Variants in ANKRD55 observed in about 807,000 individuals in gnomAD.
ANKRD55 encodes ankyrin repeat domain-containing protein 55.
A neutral mutation model predicts 60.6 loss-of-function variants in ANKRD55; 41 were observed. The observed-to-expected ratio is 0.68, with a 90% CI of 0.53 to 0.88. The LOEUF is 0.88. Ranked by LOEUF, ANKRD55 falls within the 40% of genes least tolerant of loss-of-function variation. The pLI is 0.00. For missense variants in ANKRD55, 732 were observed against 767.6 expected (o/e 0.95, Z 0.55); for synonymous variants, 264 against 290.3 (o/e 0.91, Z 0.92).
In ANKRD55 at chr5:56,111,382, G is replaced by A. The variant is rs753328918; in HGVS notation, c.1366C>T (p.His456Tyr). 6 of 1,614,060 alleles carry A rather than the reference G, an allele frequency of 3.7e-6. No homozygotes were observed. Among genetic ancestry groups the A allele is most frequent in the Non-Finnish European group, 5.1e-6 (6 of 1,180,054 alleles). ...TGAGGAGCAGAGCTCAGGCCTGCAT[G>A]GGAAGTGGCCCTATGGGAGGCTGTT... ...FLTASHRATS[H>Y]AGLSSAPHHM... Residue 456 changes from histidine to tyrosine, a missense_variant, in exon 10 of 12, where the codon CAT (histidine) becomes TAT (tyrosine). Transcript: ENST00000341048.
At position 56,183,518 on chromosome 5, in the gene ANKRD55, T is replaced by C; in HGVS notation, c.175A>G (p.Ser59Gly). 2 of 1,614,136 alleles carry C rather than the reference T, an allele frequency of 1.2e-6. No individual in the cohort carries two copies. The highest frequency in any genetic ancestry group is 1.7e-6 in the Non-Finnish European group (2 of 1,180,004). Residue 59 changes from serine (S) to glycine (G), a missense_variant, in exon 3 of 12, where the codon AGT becomes GGT. By Grantham distance (56) the Ser-to-Gly change is moderately conservative (BLOSUM62 0). This residue lies in a region of ANKRD55 where 131 missense variants were observed against 142.7 expected (regional missense o/e 0.92). Coordinates refer to ENST00000341048, the MANE Select transcript of ANKRD55 (RefSeq NM_024669.3). ...AAATGCATACATATCTCACCTTCAC[T>C]GTCACAGCATTCTAGGATAGAAGGG... Reference protein sequence around the residue: ...EDPSILECCDSEGCTPLMHAV... With the variant: ...EDPSILECCDGEGCTPLMHAV...
chr5:56,194,105 C>G (rs1759173392), intron 2 of ANKRD55, among the ~76,000 whole-genome samples: 1 of 152,196 alleles, frequency 6.6e-6, no homozygotes, highest in East Asian at 1.9e-4. Flanking sequence ...ATCACGAGGT[C>G]AGGAGATTGA....
chr5:56,148,490 C>G (rs937351531), intron 6 of ANKRD55, among the ~76,000 whole-genome samples: 1 of 152,160 alleles, frequency 6.6e-6, no homozygotes, highest in African/African-American at 2.4e-5. Context: ...GACTTGGGAT[C>G]TGATTTTAGA....
At chr5:56,223,314 G>A (rs1221540255) in intron 2 of ANKRD55, among the ~76,000 whole-genome samples, 2 of 152,152 alleles carry the variant, frequency 1.3e-5, no homozygotes, top group African/African-American at 2.4e-5. Flanking sequence ...GAGAGATTTT[G>A]TCACCACCAG....
chr5:56,134,483 G>T (rs2111738006), intron 7 of ANKRD55, among the ~76,000 whole-genome samples: 1 of 113,044 alleles, frequency 8.8e-6, no homozygotes, highest in Admixed American at 8.6e-5. Context: ...GGAAGCTGGG[G>T]CAAGAGAATT....
chr5:56,154,128 G>C (rs1385031861), intron 6 of ANKRD55, among the ~76,000 whole-genome samples: 1 of 144,990 alleles, frequency 6.9e-6, no homozygotes, highest in East Asian at 2.0e-4. Flanking sequence ...CAGAACCCAG[G>C]AGGTGGAGCT....
intron 8 of ANKRD55, among the ~76,000 whole-genome samples, chr5:56,122,613 C>T (rs1406666430): frequency 3.3e-5 from 5 of 151,746 alleles, no homozygotes; most frequent in Non-Finnish European, 2.9e-5. Flanking sequence ...GAGCTGAGAT[C>T]GTGCCACTGC....
chr5:56,166,140 T>TTCTTTC (rs1191436101), intron 5 of ANKRD55, among the ~76,000 whole-genome samples: 1 of 102,076 alleles, frequency 9.8e-6, no homozygotes, highest in Admixed American at 1.0e-4. Flanking sequence ...CTTTCTTTCT[T>TTCTTTC]TCTTTCTTTC....
chr5:56,212,340 T>A (rs913950886), intron 2 of ANKRD55, among the ~76,000 whole-genome samples: 11 of 152,242 alleles, frequency 7.2e-5, no homozygotes, highest in African/African-American at 2.6e-4. Context: ...TTGACCCCTA[T>A]AAGATAAACA....
At chr5:56,203,225 C>A (rs1759420114) in intron 2 of ANKRD55, among the ~76,000 whole-genome samples, 1 of 152,114 alleles carries the variant, frequency 6.6e-6, no homozygotes, top group African/African-American at 2.4e-5. Context: ...GAATTGTAAT[C>A]CCTACATGTT....
intron 7 of ANKRD55, 148 bp downstream of exon 7, chr5:56,143,653 T>C: frequency 8.9e-7 from 1 of 1,121,322 alleles, no homozygotes; most frequent in East Asian, 2.4e-5. Context: ...TACTCCCCTT[T>C]GCATCTTGGC....
chr5:56,123,982 G>GCGGATGTGGTGGC (rs1468507831), intron 8 of ANKRD55, among the ~76,000 whole-genome samples: 2 of 152,186 alleles, frequency 1.3e-5, no homozygotes, highest in African/African-American at 2.4e-5. Flanking sequence ...ACAAGAGTGG[G>GCGGATGTGGTGGC]CGGATGTGGT....
chr5:56,194,841 A>C (rs1020880630), intron 2 of ANKRD55, among the ~76,000 whole-genome samples: 3 of 152,224 alleles, frequency 2.0e-5, no homozygotes, highest in Non-Finnish European at 4.4e-5. Flanking sequence ...ACTAAGTGAC[A>C]TTTTAAATTG....
chr5:56,119,075 C>T (rs1215049230), intron 8 of ANKRD55, among the ~76,000 whole-genome samples: 4 of 152,128 alleles, frequency 2.6e-5, no homozygotes, highest in Non-Finnish European at 2.9e-5. Context: ...AAGTATTTTG[C>T]TGGAGAAATA....
At chr5:56,116,531 GCAC>G (rs1236055853) in intron 9 of ANKRD55, 81 bp downstream of exon 9, 1 of 1,174,928 alleles carries the variant, frequency 8.5e-7, no homozygotes, top group East Asian at 2.8e-5. Flanking sequence ...TTATTGGTTT[GCAC>G]CTTGGCAATT....
chr5:56,139,982 T>C (rs1198501288), intron 7 of ANKRD55, among the ~76,000 whole-genome samples: 1 of 152,204 alleles, frequency 6.6e-6, no homozygotes, highest in East Asian at 1.9e-4. Flanking sequence ...GTGGTAGAAT[T>C]GCTTGAGCCC....
intron 6 of ANKRD55, among the ~76,000 whole-genome samples, chr5:56,155,683 T>G (rs1304921678): frequency 6.6e-6 from 1 of 151,852 alleles, no homozygotes; most frequent in Non-Finnish European, 1.5e-5. Context: ...CCATCTCTAC[T>G]AAAAATGGAA....
intron 2 of ANKRD55, among the ~76,000 whole-genome samples, chr5:56,226,419 T>C (rs1434559610): frequency 6.6e-6 from 1 of 152,160 alleles, no homozygotes; most frequent in South Asian, 2.1e-4. Flanking sequence ...GACATAGGCA[T>C]GGGCAAGGAC....
intron 6 of ANKRD55, among the ~76,000 whole-genome samples, chr5:56,159,065 C>G (rs188503855): frequency 9.9e-5 from 15 of 152,206 alleles, no homozygotes; most frequent in Non-Finnish European, 1.8e-4. Flanking sequence ...AGGCTGGACT[C>G]TCAAACTTCT....
Sources: allele counts gnomAD v4.1 joint callset (sites outside exome capture counted in the v4.1 genomes callset), GRCh38; gene constraint gnomAD v4.1.1; regional missense constraint gnomAD v4.1.1; transcripts MANE v1.5; gene names NCBI Gene and HGNC (gene_info 2026-07-23, HGNC 2026-07-21).